ZMAT4: variants seen among roughly 807,000 people sequenced by gnomAD.
The protein encoded by ZMAT4 is zinc finger matrin-type protein 4.
A neutral mutation model predicts 28.7 loss-of-function variants in ZMAT4; 17 were observed. That is an observed-to-expected ratio of 0.59 (90% confidence interval 0.41 to 0.89). The LOEUF is 0.89. ZMAT4 is among the 40% of genes least tolerant of loss of function. The pLI is 0.00. For synonymous variants in ZMAT4, 117 were observed against 109.2 expected, an observed-to-expected ratio of 1.07 and a Z score of -0.44; for missense variants, 240 against 283.8, an observed-to-expected ratio of 0.85 and a Z score of 1.11.
chr8:40,655,081 C>CACACACACACACACACAG (rs1033307093), intron 5 of ZMAT4, among the ~76,000 whole-genome samples: 1 of 151,728 alleles, frequency 6.6e-6, no homozygotes, highest in East Asian at 1.9e-4. Flanking sequence ...CACACACACA[C>CACACACACACACACACAG]AGCACATAAA....
chr8:40,843,251 C>G (rs1303803933), intron 1 of ZMAT4, among the ~76,000 whole-genome samples: 1 of 152,122 alleles, frequency 6.6e-6, no homozygotes, highest in East Asian at 1.9e-4. Flanking sequence ...AAATATGAAT[C>G]AAGTCCTTCA....
intron 1 of ZMAT4, among the ~76,000 whole-genome samples, chr8:40,888,046 G>A (rs548412301): frequency 3.3e-5 from 5 of 152,156 alleles, no homozygotes; most frequent in East Asian, 1.9e-4. Flanking sequence ...CTGTGAGTCC[G>A]TGTTCACCCT....
intron 5 of ZMAT4, among the ~76,000 whole-genome samples, chr8:40,673,117 G>T (rs568559794): frequency 6.6e-5 from 10 of 152,286 alleles, no homozygotes; most frequent in African/African-American, 1.7e-4. Flanking sequence ...CTTCCATGAT[G>T]ACTTCTTAGC....
In ZMAT4 at chr8:40,689,575, T is replaced by C. The variant is rs143325818; in HGVS notation, c.349+7670A>G. ...TGGGAATATAGTTTGGGACATTTAC[T>C]ACCCATTATTTCAGGTGTGATGCTT... On this transcript the variant is annotated intron_variant, in intron 4 of 6. Coordinates refer to ENST00000297737, the MANE Select transcript of ZMAT4 (RefSeq NM_024645.3). 4.4e-3 allele frequency among the ~76,000 whole-genome samples: 670 copies of C among 152,306 alleles called. 3 individuals are homozygous for C. Among genetic ancestry groups the C allele is most frequent in the Admixed American group, 6.3e-3 (96 of 15,296 alleles).
intron 3 of ZMAT4, among the ~76,000 whole-genome samples, chr8:40,706,437 A>G (rs1259209511): frequency 1.3e-5 from 2 of 152,206 alleles, no homozygotes; most frequent in African/African-American, 4.8e-5. Context: ...ATAAATTCCC[A>G]ATTTTAACAG....
chr8:40,866,576 T>A (rs1212508028), intron 1 of ZMAT4, among the ~76,000 whole-genome samples: 1 of 152,192 alleles, frequency 6.6e-6, no homozygotes, highest in Non-Finnish European at 1.5e-5. Context: ...TGGGCTCACA[T>A]CTGGCTGTTT....
At chr8:40,845,326 G>A (rs1816846020) in intron 1 of ZMAT4, among the ~76,000 whole-genome samples, 1 of 152,142 alleles carries the variant, frequency 6.6e-6, no homozygotes, top group Admixed American at 6.5e-5. Flanking sequence ...CTTCTCTAGA[G>A]AAAACACTCT....
chr8:40,806,213 G>A lies in ZMAT4; in HGVS notation c.102+19362C>T, dbSNP rs972502598. ...GCAACTTTTTGCATGTGGGCAGTTC[G>A]ATCCACAGTGTGAATACTCACTGGG... On this transcript the variant is annotated intron_variant, in intron 2 of 6. Coordinates refer to ENST00000297737, the MANE Select transcript of ZMAT4 (RefSeq NM_024645.3). 7.2e-5 allele frequency among the ~76,000 whole-genome samples: 11 copies of A among 152,188 alleles called. No homozygotes were observed. The South Asian group carries it at 1.9e-3, about 26-fold the overall frequency.
intron 5 of ZMAT4, among the ~76,000 whole-genome samples, chr8:40,592,791 C>A (rs550637753): frequency 6.6e-6 from 1 of 152,262 alleles, no homozygotes; most frequent in South Asian, 2.1e-4. Context: ...GTATTCTATA[C>A]AGCAGAGGGA....
intron 1 of ZMAT4, among the ~76,000 whole-genome samples, chr8:40,879,104 C>T (rs1239873150): frequency 6.6e-6 from 1 of 152,170 alleles, no homozygotes; most frequent in Non-Finnish European, 1.5e-5. Flanking sequence ...CCACAGCACA[C>T]CCATGTCTAC....
chr8:40,699,398 C>T (rs537376956), intron 3 of ZMAT4, among the ~76,000 whole-genome samples: 46 of 151,954 alleles, frequency 3.0e-4, no homozygotes, highest in Middle Eastern at 3.4e-3. Flanking sequence ...GGGCTATTAG[C>T]GTAACAAAGA....
intron 5 of ZMAT4, among the ~76,000 whole-genome samples, chr8:40,640,241 A>T (rs1806960268): frequency 1.3e-5 from 2 of 152,110 alleles, no homozygotes; most frequent in Admixed American, 1.3e-4. Flanking sequence ...GCCTCCTAAA[A>T]TGTTGAGATT....
chr8:40,599,958 C>T (rs746204550), intron 5 of ZMAT4, among the ~76,000 whole-genome samples: 6 of 152,226 alleles, frequency 3.9e-5, no homozygotes, highest in Non-Finnish European at 7.3e-5. Context: ...GTGTGGGACT[C>T]CCCTTGGTCC....
chr8:40,804,678 C>T (rs564455134), intron 2 of ZMAT4, among the ~76,000 whole-genome samples: 28 of 151,846 alleles, frequency 1.8e-4, no homozygotes, highest in Non-Finnish European at 3.7e-4. Flanking sequence ...GGTCTCTCTG[C>T]TAAAAATACA....
At chr8:40,571,048 C>A (rs550078509) in intron 6 of ZMAT4, among the ~76,000 whole-genome samples, 1 of 152,054 alleles carries the variant, frequency 6.6e-6, no homozygotes, top group Admixed American at 6.6e-5. Context: ...CGGAACCATT[C>A]TGGAGGCAAT....
chr8:40,645,643 A>T (rs987651616), intron 5 of ZMAT4, among the ~76,000 whole-genome samples: 2 of 152,184 alleles, frequency 1.3e-5, no homozygotes, highest in Non-Finnish European at 2.9e-5. Flanking sequence ...GAAATGCCTG[A>T]TTGAGATATA....
chr8:40,560,001 T>C (rs1299280050), intron 6 of ZMAT4, among the ~76,000 whole-genome samples: 1 of 152,024 alleles, frequency 6.6e-6, no homozygotes, highest in Non-Finnish European at 1.5e-5. Flanking sequence ...AAAGACTCCA[T>C]GTCAGGTGTA....
At chr8:40,569,500 G>A (rs969100081) in intron 6 of ZMAT4, among the ~76,000 whole-genome samples, 3 of 152,198 alleles carry the variant, frequency 2.0e-5, no homozygotes, top group East Asian at 1.9e-4. Flanking sequence ...GACCCAGAAT[G>A]AGGGTAAGTC....
chr8:40,640,704 T>TA (rs1806982246), intron 5 of ZMAT4, among the ~76,000 whole-genome samples: 1 of 152,104 alleles, frequency 6.6e-6, no homozygotes, highest in South Asian at 2.1e-4. Flanking sequence ...CTCATGCCTG[T>TA]AATCCCAGCA....
Sources: gnomAD v4.1 joint callset for allele counts (sites outside exome capture counted in the v4.1 genomes callset) on GRCh38, gnomAD v4.1.1 for gene constraint, MANE v1.5 for transcripts, NCBI Gene and HGNC (gene_info 2026-07-23, HGNC 2026-07-21) for gene names.